CCNY: variants seen among roughly 807,000 people sequenced by gnomAD.
CCNY encodes cyclin-Y.
In CCNY, 19 loss-of-function variants were observed where a neutral mutation model predicts 42.8. The ratio of observed to expected loss-of-function variants is 0.44; its 90% CI spans 0.31 to 0.65. The LOEUF is 0.65. Among genes scored for constraint, CCNY ranks in the 30% least tolerant of loss-of-function variants. The pLI is 0.07. For missense variants in CCNY, 370 were observed against 437.3 expected (o/e 0.85, Z 1.37); for synonymous variants, 165 against 162.7 (o/e 1.01, Z -0.11).
chr10:35,337,381 C>A (rs1319936773), intron 1 of CCNY, among the ~76,000 whole-genome samples, 174 bp downstream of exon 1: 2 of 152,184 alleles, frequency 1.3e-5, no homozygotes, highest in East Asian at 3.9e-4. Context: ...GGGCGTACCC[C>A]TCGCTGGTTA....
chr10:35,521,685 C>T (rs1328234650), intron 4 of CCNY, among the ~76,000 whole-genome samples: 3 of 152,136 alleles, frequency 2.0e-5, no homozygotes, highest in Non-Finnish European at 2.9e-5. Flanking sequence ...AGCCTATAAA[C>T]AAGGCACAGG....
rs185286073 is a variant in CCNY at position 35,275,212 on chromosome 10, C to T, written c.-9+24586C>T. 3.5e-3 allele frequency among the ~76,000 whole-genome samples: 531 copies of T among 151,558 alleles called. 5 individuals carry two copies. The highest frequency in any genetic ancestry group is 0.013 in the African/African-American group (519 of 41,362). ...CCAAATAGCTGGGATTACAGGCACC[C>T]GCCATCATGCTCGGCTAATTTTTTT... is the stretch of plus-strand genomic sequence containing the variant. On this transcript the variant is annotated intron_variant, in intron 3 of 11. Transcript: ENST00000374706.
At chr10:35,510,566 G>A (rs1840305567) in intron 3 of CCNY, among the ~76,000 whole-genome samples, 1 of 152,116 alleles carries the variant, frequency 6.6e-6, no homozygotes, top group African/African-American at 2.4e-5. Context: ...TTTCTAAGAA[G>A]TAGTAAGACA....
Position 35,300,875 on chromosome 10 carries a change from A to G in CCNY, c.-9+50249A>G, listed in dbSNP as rs535252429. Among the ~76,000 whole-genome samples, 15 of 151,768 alleles carry G rather than the reference A, an allele frequency of 9.9e-5. No homozygotes were observed. In the East Asian group the frequency reaches 2.9e-3, roughly 30 times the overall value. On this transcript the variant is annotated intron_variant, in intron 3 of 11. Coordinates refer to the CCNY transcript ENST00000374706. ...GCTGGAGTGCAGTGGTGCAATCTCAACTCACTGCAACCTCTGCCTCCCAGG... is the reference window on the plus strand; with the variant it reads ...GCTGGAGTGCAGTGGTGCAATCTCAGCTCACTGCAACCTCTGCCTCCCAGG...
intron 3 of CCNY, among the ~76,000 whole-genome samples, chr10:35,251,980 GATAGTAA>G (rs1375629772): frequency 6.6e-6 from 1 of 152,098 alleles, no homozygotes; most frequent in Non-Finnish European, 1.5e-5. Context: ...CAAAGAACAA[GATAGTAA>G]ATATTTATAG....
At chr10:35,254,848 A>T (rs889113823) in intron 3 of CCNY, among the ~76,000 whole-genome samples, 12 of 145,002 alleles carry the variant, frequency 8.3e-5, no homozygotes, top group African/African-American at 2.6e-4. Context: ...AAAAAAAAAA[A>T]AAGGAAAGAA....
At chr10:35,544,485 A>G (rs902589318) in intron 7 of CCNY, among the ~76,000 whole-genome samples, 16 of 152,174 alleles carry the variant, frequency 1.1e-4, no homozygotes, top group Non-Finnish European at 1.9e-4. Context: ...AGTGCACTCT[A>G]TGGTATTCCC....
intron 1 of CCNY, among the ~76,000 whole-genome samples, chr10:35,419,291 G>A (rs1838103368): frequency 6.6e-6 from 1 of 152,164 alleles, no homozygotes; most frequent in Non-Finnish European, 1.5e-5. Context: ...AATGTGGTTT[G>A]ATGTGAAGGA....
chr10:35,449,455 G>C (rs1452143895), intron 1 of CCNY, among the ~76,000 whole-genome samples: 1 of 152,182 alleles, frequency 6.6e-6, no homozygotes, highest in Non-Finnish European at 1.5e-5. Context: ...CTACTGGGCA[G>C]GGTTCCAGAG....
At chr10:35,539,004 T>C (rs1057392103) in intron 7 of CCNY, among the ~76,000 whole-genome samples, 2 of 152,212 alleles carry the variant, frequency 1.3e-5, no homozygotes, top group Non-Finnish European at 2.9e-5. Context: ...TATCCAGTTG[T>C]CCCAGTGCCT....
chr10:35,545,584 A>C (rs1841095272), intron 7 of CCNY, among the ~76,000 whole-genome samples: 1 of 152,122 alleles, frequency 6.6e-6, no homozygotes, highest in South Asian at 2.1e-4. Flanking sequence ...TAACTCCACT[A>C]CATCTGTAAA....
intron 1 of CCNY, among the ~76,000 whole-genome samples, chr10:35,458,356 T>G (rs1429369846): frequency 6.6e-6 from 1 of 152,232 alleles, no homozygotes; most frequent in Non-Finnish European, 1.5e-5. Flanking sequence ...CTTTTTTCAG[T>G]TTACTTGTTC....
intron 2 of CCNY, among the ~76,000 whole-genome samples, chr10:35,248,710 A>T (rs1042257420): frequency 3.5e-4 from 53 of 152,260 alleles, no homozygotes; most frequent in African/African-American, 1.3e-3. Flanking sequence ...AGTGTGGCTC[A>T]AACCTGTAAT....
chr10:35,518,983 T>C (rs1010607638), intron 4 of CCNY, among the ~76,000 whole-genome samples: 13 of 150,322 alleles, frequency 8.6e-5, no homozygotes, highest in African/African-American at 3.2e-4. Context: ...AGATCTTGAT[T>C]GAATCTGGCT....
At chr10:35,267,337 C>T (rs1002397021) in intron 3 of CCNY, among the ~76,000 whole-genome samples, 3 of 151,942 alleles carry the variant, frequency 2.0e-5, no homozygotes, top group African/African-American at 7.2e-5. Context: ...GAGGATAATT[C>T]CAGCCTCATC....
chr10:35,413,098 A>G (rs1837949363), intron 1 of CCNY, among the ~76,000 whole-genome samples: 1 of 152,118 alleles, frequency 6.6e-6, no homozygotes, highest in Non-Finnish European at 1.5e-5. Context: ...AGGAACCAAA[A>G]AAGGAAGACA....
chr10:35,332,906 C>T (rs1026976720), upstream of CCNY, among the ~76,000 whole-genome samples: 10 of 152,098 alleles, frequency 6.6e-5, no homozygotes, highest in African/African-American at 2.4e-4. Flanking sequence ...GCCCGGCCCA[C>T]CTGAGTTTTA....
chr10:35,533,096 G>A (rs1267587524), intron 7 of CCNY, among the ~76,000 whole-genome samples: 1 of 152,126 alleles, frequency 6.6e-6, no homozygotes, highest in Non-Finnish European at 1.5e-5. Context: ...TCTTGCTTCG[G>A]ATGGGATGTG....
rs12570057 is a variant in CCNY, at chr10:35,452,260, T to C, written c.155-31144T>C. On this transcript the variant is annotated intron_variant, in intron 1 of 9. Coordinates refer to ENST00000374704, the MANE Select transcript of CCNY (RefSeq NM_145012.6). ...ATTCCACACTTGAGGCTCAAGTGAT[T>C]GGAGTGATTTCTGCAATTACTAGTT... is the stretch of plus-strand genomic sequence containing the variant. Among the ~76,000 whole-genome samples the C allele has an allele frequency of 1.6e-4, 24 of 152,312 alleles. No individual in the cohort carries two copies. In the East Asian group the frequency reaches 4.4e-3, roughly 28 times the overall value.
Sources: allele counts gnomAD v4.1 joint callset (sites outside exome capture counted in the v4.1 genomes callset), GRCh38; gene constraint gnomAD v4.1.1; transcripts MANE v1.5; gene names NCBI Gene and HGNC (gene_info 2026-07-23, HGNC 2026-07-21).